The following CDADC1 variants were observed in gnomAD, a reference collection of about 807,000 sequenced individuals.
CDADC1 encodes the protein cytidine and dCMP deaminase domain containing 1.
In CDADC1, 39 loss-of-function variants were observed where a neutral mutation model predicts 54.9. That is an observed-to-expected ratio of 0.71 (90% CI 0.55 to 0.93). The LOEUF is 0.93. CDADC1 is among the 40% of genes least tolerant of loss of function. CDADC1 has a pLI of 0.00. For synonymous variants in CDADC1, 186 were observed against 204.0 expected, an observed-to-expected ratio of 0.91 and a Z score of 0.75; for missense variants, 518 against 618.8, an observed-to-expected ratio of 0.84 and a Z score of 1.73.
In CDADC1 at chr13:49,291,819, C is replaced by A; in HGVS notation, c.*62C>A. 4 of 1,559,694 alleles carry A rather than the reference C, an allele frequency of 2.6e-6. No individual in the cohort carries two copies. Among genetic ancestry groups the A allele is most frequent in the Non-Finnish European group, 2.6e-6 (3 of 1,154,804 alleles). On this transcript the variant is annotated 3_prime_UTR_variant, in exon 10 of 10. Transcript: ENST00000251108. ...TTTTCATTGCACTTCTAAAATTCAG[C>A]CTTGTTCATTCAGAAAATAAGGATG...
chr13:49,280,499 T>C lies in CDADC1; in HGVS notation c.1221-10T>C, dbSNP rs577964124. ...ACGACCTTTCTGATATTTTATAATTTTTTTTGTAGGTGTCAAGAAATAAAA... is the reference window on the plus strand; with the variant it reads ...ACGACCTTTCTGATATTTTATAATTCTTTTTGTAGGTGTCAAGAAATAAAA... On this transcript the variant is annotated splice_polypyrimidine_tract_variant and intron_variant, in intron 7 of 9. Transcript: ENST00000251108. 8 of 1,367,860 alleles carry C rather than the reference T, an allele frequency of 5.8e-6. No individual in the cohort carries two copies. The East Asian group carries it at 1.6e-4, about 27-fold the overall frequency. 84.7% of individuals were successfully genotyped at this position (1,367,860 alleles called of 1,614,324 possible).
At chr13:49,280,751 C>A in intron 8 of CDADC1, 53 bp downstream of exon 8, 1 of 1,015,900 alleles carries the variant, frequency 9.8e-7, no homozygotes, top group Non-Finnish European at 1.4e-6. Flanking sequence ...TTGTTAGGTA[C>A]CCTGCTGCAA....
chr13:49,283,767 A>G (rs1953421004), intron 8 of CDADC1, among the ~76,000 whole-genome samples: 1 of 152,172 alleles, frequency 6.6e-6, no homozygotes, highest in Non-Finnish European at 1.5e-5. Flanking sequence ...ACTCAGGCAC[A>G]TGTTCCAAAG....
At chr13:49,248,795 C>T in intron 1 of CDADC1, 76 bp from the exon 2 acceptor site, 2 of 918,244 alleles carry the variant, frequency 2.2e-6, no homozygotes, top group Middle Eastern at 2.1e-4. Flanking sequence ...GGCTGCAGCA[C>T]CTAAGTGGCA....
chr13:49,257,275 A>C (rs992983314), intron 3 of CDADC1, among the ~76,000 whole-genome samples: 1 of 152,244 alleles, frequency 6.6e-6, no homozygotes, highest in East Asian at 1.9e-4. Flanking sequence ...ATAACAAATA[A>C]GTTGATGAGT....
chr13:49,281,750 A>G (rs1167798737), intron 8 of CDADC1, among the ~76,000 whole-genome samples: 1 of 151,940 alleles, frequency 6.6e-6, no homozygotes, highest in Admixed American at 6.6e-5. Flanking sequence ...AAACACACAC[A>G]TTTCTCATGA....
intron 4 of CDADC1, among the ~76,000 whole-genome samples, chr13:49,259,933 A>C (rs2138204823): frequency 6.6e-6 from 1 of 152,128 alleles, no homozygotes; most frequent in African/African-American, 2.4e-5. Context: ...ATAATTTAGA[A>C]ATATATATCT....
In CDADC1 at chr13:49,292,477, A is replaced by G. The variant is rs1172787198; in HGVS notation, c.*720A>G. 3.9e-6 allele frequency: 4 copies of G among 1,033,086 alleles called. No homozygotes were observed. The highest frequency in any genetic ancestry group is 4.7e-6 in the Non-Finnish European group (4 of 858,848). 64.0% of individuals were successfully genotyped at this position (1,033,086 alleles called of 1,614,324 possible). A position where few individuals can be genotyped will look rare whatever the true frequency, so the allele number is the denominator to read the frequency against. On this transcript the variant is annotated 3_prime_UTR_variant, in exon 10 of 10. Coordinates refer to ENST00000251108, the MANE Select transcript of CDADC1 (RefSeq NM_030911.4). ...AATTTGGTTATGATGTTAACAGAGA[A>G]GAAATATTTGAGTCTGGAATATTGA...
At chr13:49,283,010 T>C (rs1953395518) in intron 8 of CDADC1, among the ~76,000 whole-genome samples, 1 of 152,250 alleles carries the variant, frequency 6.6e-6, no homozygotes, top group Non-Finnish European at 1.5e-5. Context: ...CATCCAATGA[T>C]TTAATCCTGG....
Position 49,267,493 on chromosome 13 carries a change from G to A in CDADC1, c.434G>A (p.Gly145Glu). 6.2e-7 allele frequency: 1 copy of A among 1,609,144 alleles called. No individual in the cohort carries two copies. Among genetic ancestry groups the A allele is most frequent in the East Asian group, 2.2e-5 (1 of 44,790 alleles). The change falls in exon 5 of 10, where the codon GGA (glycine) becomes GAA (glutamate). Residue 145 changes from glycine to glutamate, a missense_variant. Transcript: ENST00000251108. Reference sequence around the variant, plus strand: ...CCTTTCGTATTTTGTATTTCAGCTGGAGTTAACCGAATTTCATACTGGCCT... The same window carrying A: ...CCTTTCGTATTTTGTATTTCAGCTGAAGTTAACCGAATTTCATACTGGCCT... ...SACLKMIVNA[G>E]VNRISYWPAD...
intron 4 of CDADC1, among the ~76,000 whole-genome samples, 170 bp downstream of exon 4, chr13:49,259,693 A>C (rs1173044109): frequency 6.6e-6 from 1 of 152,142 alleles, no homozygotes; most frequent in African/African-American, 2.4e-5. Context: ...ACTACAAAAA[A>C]TAAGTTAGCT....
intron 5 of CDADC1, among the ~76,000 whole-genome samples, chr13:49,272,019 C>A (rs1222159239): frequency 6.6e-6 from 1 of 152,158 alleles, no homozygotes; most frequent in African/African-American, 2.4e-5. Context: ...TGTAACCAAC[C>A]TTAGCTAGGC....
At chr13:49,287,466 G>GTATC (rs55902616) in intron 9 of CDADC1, among the ~76,000 whole-genome samples, 2,644 of 146,078 alleles carry the variant, frequency 0.018, 84 homozygotes, top group African/African-American at 0.062. Flanking sequence ...AAAAAAGGCT[G>GTATC]TATCTATCTA....
rs762730798 is a variant in CDADC1 at position 49,278,410 on chromosome 13, G to A, written c.1111G>A (p.Val371Ile). 2 of 1,603,030 alleles carry A rather than the reference G, an allele frequency of 1.2e-6. No individual in the cohort carries two copies. Among genetic ancestry groups the A allele is most frequent in the Non-Finnish European group, 1.7e-6 (2 of 1,171,960 alleles). ...AGGATGTGGTTACAATGCTTTTCCT[G>A]TTGGATCTGAGTATGCTGACTTCCC... The part of the protein sequence containing the change: ...FVGCGYNAFP[V>I]GSEYADFPHM... Residue 371 changes from valine (V) to isoleucine (I), a missense_variant, in exon 7 of 10, where the codon GTT becomes ATT. Physicochemically the swap from Val to Ile is conservative, Grantham distance 29. Coordinates refer to ENST00000251108, the MANE Select transcript of CDADC1 (RefSeq NM_030911.4).
chr13:49,277,286 C>T (rs886997273), intron 6 of CDADC1, among the ~76,000 whole-genome samples: 1 of 151,786 alleles, frequency 6.6e-6, no homozygotes. Context: ...TCCTGGGCAT[C>T]ATGGTGAGAC....
chr13:49,278,672 A>G (rs961173045), intron 7 of CDADC1, among the ~76,000 whole-genome samples, 153 bp downstream of exon 7: 2 of 152,238 alleles, frequency 1.3e-5, no homozygotes, highest in Non-Finnish European at 2.9e-5. Context: ...CCTCACTGCC[A>G]GACCTGAAGC....
intron 9 of CDADC1, among the ~76,000 whole-genome samples, chr13:49,290,418 TAGAG>T (rs571599885): frequency 8.1e-4 from 123 of 152,054 alleles, no homozygotes; most frequent in South Asian, 7.5e-3. Context: ...ACATTATATA[TAGAG>T]AGAGAGAATG....
In CDADC1 at chr13:49,282,236, G is replaced by GTTT. The variant is rs759792512; in HGVS notation, c.1410+1555_1410+1557dup. On this transcript the variant is annotated intron_variant, in intron 8 of 9. Coordinates refer to ENST00000251108, the MANE Select transcript of CDADC1 (RefSeq NM_030911.4). ...ACTATTTGGGTTCTGGTTTTTGTGG[G>GTTT]TTTTTTTTTTTTTTTTTTTGCTTTT... 7.3e-3 allele frequency among the ~76,000 whole-genome samples: 684 copies of GTTT among 93,930 alleles called. 6 individuals carry two copies. Among genetic ancestry groups the GTTT allele is most frequent in the South Asian group, 0.017 (45 of 2,596 alleles). 61.6% of individuals were successfully genotyped at this position (93,930 alleles called of 152,430 possible). A position where few individuals can be genotyped will look rare whatever the true frequency, so the allele number is the denominator to read the frequency against.
chr13:49,288,537 A>G (rs1953593663), intron 9 of CDADC1, among the ~76,000 whole-genome samples: 1 of 152,226 alleles, frequency 6.6e-6, no homozygotes, highest in Admixed American at 6.5e-5. Context: ...GCCATTTCAT[A>G]TAAATGGAAT....
Sources: allele counts gnomAD v4.1 joint callset (sites outside exome capture counted in the v4.1 genomes callset), GRCh38; gene constraint gnomAD v4.1.1; transcripts MANE v1.5; gene names NCBI Gene and HGNC (gene_info 2026-07-23, HGNC 2026-07-21).